The following BTBD1 variants were observed in gnomAD, a reference collection of about 807,000 sequenced individuals.
BTBD1 encodes the protein BTB domain containing 1, also known as BTB/POZ domain-containing protein 1.
Under a neutral mutation model 48.0 loss-of-function variants are expected in BTBD1, and 34 were observed. The observed-to-expected ratio is 0.71, with a 90% CI of 0.54 to 0.94. BTBD1 has a LOEUF of 0.94. BTBD1 is among the 40% of genes least tolerant of loss of function. The pLI is 0.00. For missense variants in BTBD1, 543 were observed against 625.6 expected (o/e 0.87, Z 1.41); for synonymous variants, 261 against 242.1 (o/e 1.08, Z -0.72).
intron 5 of BTBD1, chr15:83,028,630 T>C (rs1258503267): frequency 6.6e-6 from 1 of 152,276 alleles, no homozygotes; most frequent in East Asian, 1.9e-4. Flanking sequence ...AAAAACCACC[T>C]TGTGAAGGGA....
At chr15:83,050,292 T>A (rs941311953) in intron 2 of BTBD1, 114 bp from the exon 3 acceptor site, 3 of 568,276 alleles carry the variant, frequency 5.3e-6, no homozygotes, top group Non-Finnish European at 6.0e-6. Flanking sequence ...TAAAAATATC[T>A]ACTTAAAATA....
chr15:83,066,966 G>A lies in BTBD1; in HGVS notation c.186C>T (p.Leu62=). ...KASLKERFAF[L]FNSELLSDVR... ...CATCGCTCAGCAGCTCCGAGTTGAA[G>A]AGGAAGGCGAAGCGCTCCTTCAGCG... The change falls in exon 1 of 8, where the codon CTC becomes CTT. Residue 62 remains leucine, a synonymous_variant. Transcript: ENST00000261721. The A allele has an allele frequency of 1.3e-6, 2 of 1,583,458 alleles. No individual in the cohort carries two copies. Among genetic ancestry groups the A allele is most frequent in the Non-Finnish European group, 1.7e-6 (2 of 1,167,068 alleles).
intron 1 of BTBD1, among the ~76,000 whole-genome samples, chr15:83,065,098 G>A (rs999798913): frequency 3.9e-5 from 6 of 151,970 alleles, no homozygotes; most frequent in South Asian, 2.1e-4. Context: ...ATCTCATCAA[G>A]TGAACCTACC....
chr15:83,034,678 T>C (rs1253798687), intron 4 of BTBD1, among the ~76,000 whole-genome samples: 1 of 151,220 alleles, frequency 6.6e-6, no homozygotes, highest in Non-Finnish European at 1.5e-5. Context: ...ACTGTAAAGA[T>C]AAAGAAGCAA....
rs1439474860 is a variant in BTBD1, at chr15:83,066,972, G to T, written c.180C>A (p.Ala60=). ...TCAGCAGCTCCGAGTTGAAGAGGAAGGCGAAGCGCTCCTTCAGCGACGCCT... is the reference window on the plus strand; with the variant it reads ...TCAGCAGCTCCGAGTTGAAGAGGAATGCGAAGCGCTCCTTCAGCGACGCCT... ...ATKASLKERF[A]FLFNSELLSD... The change falls in exon 1 of 8, where the codon GCC becomes GCA. Residue 60 remains alanine, a synonymous_variant. Transcript: ENST00000261721. The T allele has an allele frequency of 6.3e-7, 1 of 1,583,762 alleles. No homozygotes were observed. The highest frequency in any genetic ancestry group is 8.6e-7 in the Non-Finnish European group (1 of 1,167,196).
chr15:83,056,296 A>C lies in BTBD1; in HGVS notation c.558+93T>G, dbSNP rs191502763. On this transcript the variant is annotated intron_variant, in intron 2 of 7. Coordinates refer to ENST00000261721, the MANE Select transcript of BTBD1 (RefSeq NM_025238.4). ...ATCATTTTATATACTTTAAAATTAT[A>C]ATCTAGAATTCTCCAGGAAATATTA... The C allele has an allele frequency of 4.0e-5, 30 of 749,164 alleles. No homozygotes were observed. In the African/African-American group the frequency reaches 5.1e-4, roughly 13 times the overall value. The allele number at this position is 749,164 out of a possible 1,614,324, so 46.4% of individuals were successfully genotyped here. A position where few individuals can be genotyped will look rare whatever the true frequency, so the allele number is the denominator to read the frequency against.
chr15:83,067,223 G>C lies in BTBD1; in HGVS notation c.-72C>G, dbSNP rs1269987050. The C allele has an allele frequency of 2.3e-6, 3 of 1,303,570 alleles. No individual in the cohort carries two copies. Among genetic ancestry groups the C allele is most frequent in the Non-Finnish European group, 2.0e-6 (2 of 1,020,200 alleles). The allele number at this position is 1,303,570 out of a possible 1,614,324, so 80.8% of individuals were successfully genotyped here. ...ATCGCCCAGGCCGCCTCCGGAGGCC[G>C]GCGCTGCCTCCCTGCCTTCCGGGAA... On this transcript the variant is annotated 5_prime_UTR_variant, in exon 1 of 8. Transcript: ENST00000261721.
intron 2 of BTBD1, among the ~76,000 whole-genome samples, chr15:83,054,986 G>C (rs953786293): frequency 1.3e-5 from 2 of 152,088 alleles, no homozygotes; most frequent in African/African-American, 4.8e-5. Context: ...TAATTTTCCC[G>C]TTTGTAAAAT....
chr15:83,025,287 G>A (rs1376001137), intron 5 of BTBD1, among the ~76,000 whole-genome samples: 11 of 147,970 alleles, frequency 7.4e-5, no homozygotes, highest in Non-Finnish European at 1.5e-4. Flanking sequence ...GAACTCAGGA[G>A]GCGGAGGTTG....
At chr15:83,056,731 C>T (rs985151546) in intron 1 of BTBD1, among the ~76,000 whole-genome samples, 186 bp from the exon 2 acceptor site, 16 of 139,434 alleles carry the variant, frequency 1.1e-4, no homozygotes, top group South Asian at 2.6e-4. Flanking sequence ...ATCCATCCAT[C>T]GACAGGGTCT....
chr15:83,020,387 A>C, intron 6 of BTBD1: 1 of 254,974 alleles, frequency 3.9e-6, no homozygotes, highest in Non-Finnish European at 7.3e-6. Context: ...GCCATGAAAA[A>C]GGCAGGAGGA....
intron 5 of BTBD1, chr15:83,024,167 A>T (rs2032358864): frequency 6.6e-6 from 1 of 152,142 alleles, no homozygotes; most frequent in African/African-American, 2.4e-5. Context: ...CACCATGCCC[A>T]GCCTATTTAT....
intron 7 of BTBD1, among the ~76,000 whole-genome samples, 196 bp from the exon 8 acceptor site, chr15:83,018,421 C>G (rs1048758189): frequency 2.6e-5 from 4 of 152,198 alleles, no homozygotes; most frequent in African/African-American, 9.7e-5. Flanking sequence ...TACAGCCCAG[C>G]TATTAGAGAA....
rs1448821058 is a variant in BTBD1, at chr15:83,063,250, C to G, written c.401+3501G>C. Among the ~76,000 whole-genome samples, 3 of 152,334 alleles carry G rather than the reference C, an allele frequency of 2.0e-5. No individual in the cohort carries two copies. In the East Asian group the frequency reaches 5.8e-4, roughly 29 times the overall value. ...TCATCCTTGTACCTCTCTTCACAGTCTACATGCCTTCCTAGGTAATCTCAC... is the reference window on the plus strand; with the variant it reads ...TCATCCTTGTACCTCTCTTCACAGTGTACATGCCTTCCTAGGTAATCTCAC... On this transcript the variant is annotated intron_variant, in intron 1 of 7. Transcript: ENST00000261721.
rs2032172944 is a variant in BTBD1 at position 83,016,685 on chromosome 15, C to A, written c.*1382G>T. ...GTTAATTTTTAGTTAACCAGAACCA[C>A]ACATCCCATAGATAATTCCATTTAA... is the stretch of plus-strand genomic sequence containing the variant. On this transcript the variant is annotated 3_prime_UTR_variant, in exon 8 of 8. Coordinates refer to ENST00000261721, the MANE Select transcript of BTBD1 (RefSeq NM_025238.4). 6.6e-6 allele frequency: 1 copy of A among 152,128 alleles called. No individual in the cohort carries two copies. Among genetic ancestry groups the A allele is most frequent in the Non-Finnish European group, 1.5e-5 (1 of 68,020 alleles). The allele number at this position is 152,128 out of a possible 1,614,324, so 9.4% of individuals were successfully genotyped here.
At chr15:83,020,323 C>T (rs982850427) in intron 6 of BTBD1, 4 of 171,852 alleles carry the variant, frequency 2.3e-5, no homozygotes, top group Non-Finnish European at 4.9e-5. Flanking sequence ...TTGGAAGTCA[C>T]AGGATGCTCA....
chr15:83,052,429 C>T (rs2151311270), intron 2 of BTBD1, among the ~76,000 whole-genome samples: 1 of 152,128 alleles, frequency 6.6e-6, no homozygotes, highest in East Asian at 1.9e-4. Context: ...CTTACATAAT[C>T]ATAGTAATTA....
intron 4 of BTBD1, among the ~76,000 whole-genome samples, chr15:83,037,665 A>T (rs2032655456): frequency 6.6e-6 from 1 of 152,142 alleles, no homozygotes; most frequent in Admixed American, 6.5e-5. Context: ...CCTATTCAAC[A>T]TAGTACTGGT....
At chr15:83,040,712 A>AAAAAC (rs1567107629) in intron 4 of BTBD1, among the ~76,000 whole-genome samples, 1 of 151,466 alleles carries the variant, frequency 6.6e-6, no homozygotes, top group Non-Finnish European at 1.5e-5. Flanking sequence ...AAAAAAAAAA[A>AAAAAC]AAAAAAAAAC....
Sources: allele counts gnomAD v4.1 joint callset (sites outside exome capture counted in the v4.1 genomes callset), GRCh38; gene constraint gnomAD v4.1.1; transcripts MANE v1.5; gene names NCBI Gene and HGNC (gene_info 2026-07-23, HGNC 2026-07-21).